The following TULP3 variants were observed in gnomAD, a reference collection of about 807,000 sequenced individuals.
The protein encoded by TULP3 is TUB like protein 3.
TULP3 carries 38 observed loss-of-function variants against 50.7 expected under a neutral mutation model. The observed-to-expected ratio is 0.75, with a 90% CI of 0.58 to 0.98. TULP3 has a LOEUF of 0.98. TULP3 is among the 50% of genes least tolerant of loss of function. The probability of loss-of-function intolerance (pLI) is 0.00; values close to 1 mark genes in which losing one functional copy is unlikely to be tolerated. For missense variants in TULP3, 550 were observed against 568.0 expected (o/e 0.97, Z 0.32); for synonymous variants, 183 against 196.6 (o/e 0.93, Z 0.58).
intron 4 of TULP3, among the ~76,000 whole-genome samples, chr12:2,926,055 C>T (rs1054210425): frequency 2.8e-4 from 42 of 152,182 alleles, no homozygotes; most frequent in African/African-American, 9.7e-4. Flanking sequence ...ATTTGCTTGT[C>T]TTAAAAGTTT....
rs761690026 is a variant in TULP3, at chr12:2,940,764, TCCC to T, written c.*1323_*1325del. The T allele has an allele frequency of 1.3e-6, 2 of 1,512,732 alleles. No individual in the cohort carries two copies. The highest frequency in any genetic ancestry group is 1.8e-6 in the Non-Finnish European group (2 of 1,123,032). The allele number at this position is 1,512,732 out of a possible 1,614,324, so 93.7% of individuals were successfully genotyped here. On this transcript the variant is annotated 3_prime_UTR_variant, in exon 11 of 11. Coordinates refer to ENST00000448120, the MANE Select transcript of TULP3 (RefSeq NM_003324.5). ...TGGCAGCTGCGGGACCCTTGGCTTG[TCCC>T]CCACCGACAAGTCCCACCTGCTGGG...
chr12:2,891,095 C>T, intron 1 of TULP3, 107 bp downstream of exon 1: 1 of 1,306,114 alleles, frequency 7.7e-7, no homozygotes, highest in Middle Eastern at 1.9e-4. Context: ...GGACTCGGGA[C>T]TTGGCGACTC....
In TULP3 at chr12:2,939,159, A is replaced by G. The variant is rs2098203225; in HGVS notation, c.1196-152A>G. On this transcript the variant is annotated intron_variant, in intron 10 of 10. Transcript: ENST00000448120. This position sits in a 1 kb window ranked among gnomAD's most constrained non-coding sequence, Gnocchi z 4.0. ...GAGGATCACTTGAGCCTGGGACGGG[A>G]GGTCAAGGCTGCAGTGAGCTGTGGT... 3 of 792,986 alleles carry G rather than the reference A, an allele frequency of 3.8e-6. No homozygotes were observed. Among genetic ancestry groups the G allele is most frequent in the Non-Finnish European group, 5.9e-6 (3 of 508,380 alleles). 49.1% of individuals were successfully genotyped at this position (792,986 alleles called of 1,614,324 possible). A position where few individuals can be genotyped will look rare whatever the true frequency, so the allele number is the denominator to read the frequency against.
intron 2 of TULP3, among the ~76,000 whole-genome samples, chr12:2,919,253 T>C (rs1008055022): frequency 6.6e-6 from 1 of 152,196 alleles, no homozygotes; most frequent in Non-Finnish European, 1.5e-5. Flanking sequence ...CCTGTGTATT[T>C]AGTGTTCCTG....
In TULP3 at chr12:2,938,203, C is replaced by T; in HGVS notation, c.1113C>T (p.Asp371=). The T allele has an allele frequency of 6.2e-7, 1 of 1,614,180 alleles. No homozygotes were observed. Among genetic ancestry groups the T allele is most frequent in the African/African-American group, 1.3e-5 (1 of 75,056 alleles). The stretch of plus-strand genomic sequence containing the variant: ...ACAAGGCCCCCGTCTGGAACAGTGA[C>T]ACTCAGTCCTATGTCCTCAACTTCC... ...LHNKAPVWNS[D]TQSYVLNFRG... The change falls in exon 10 of 11, where the codon GAC becomes GAT. Residue 371 remains aspartate, a synonymous_variant. Transcript: ENST00000448120.
intron 10 of TULP3, among the ~76,000 whole-genome samples, 193 bp downstream of exon 10, chr12:2,938,478 AGT>A (rs2098202830): frequency 2.0e-5 from 3 of 152,040 alleles, no homozygotes; most frequent in African/African-American, 4.8e-5. Flanking sequence ...AGGGGAGAGG[AGT>A]GTGAGAGAGA....
chr12:2,926,979 T>C (rs1347738018), intron 4 of TULP3, among the ~76,000 whole-genome samples: 1 of 152,100 alleles, frequency 6.6e-6, no homozygotes, highest in Non-Finnish European at 1.5e-5. Context: ...TTTTACAAAA[T>C]TTTCATCACC....
chr12:2,918,453 T>C (rs950890708), intron 2 of TULP3, among the ~76,000 whole-genome samples: 4 of 152,062 alleles, frequency 2.6e-5, no homozygotes, highest in Non-Finnish European at 5.9e-5. Context: ...TCACAGACTA[T>C]GTATGAGATG....
intron 1 of TULP3, among the ~76,000 whole-genome samples, chr12:2,902,748 T>C (rs1341045039): frequency 6.6e-6 from 1 of 152,228 alleles, no homozygotes; most frequent in Non-Finnish European, 1.5e-5. Context: ...TTTTAAAGTA[T>C]GCTCAAAGTT....
chr12:2,932,937 A>ATTTTTAT (rs1410501522), intron 6 of TULP3, among the ~76,000 whole-genome samples: 4 of 149,526 alleles, frequency 2.7e-5, no homozygotes, highest in Non-Finnish European at 6.0e-5. Context: ...GAATTATTTT[A>ATTTTTAT]TTTTTATTTT....
intron 2 of TULP3, among the ~76,000 whole-genome samples, chr12:2,920,033 TAAA>T (rs899279354): frequency 6.4e-5 from 9 of 140,774 alleles, no homozygotes; most frequent in African/African-American, 2.3e-4. Flanking sequence ...TAAGAAAACT[TAAA>T]AAAAAAAAAA....
chr12:2,897,507 A>G (rs1480159774), intron 1 of TULP3, among the ~76,000 whole-genome samples: 1 of 152,144 alleles, frequency 6.6e-6, no homozygotes, highest in African/African-American at 2.4e-5. Context: ...GTTCAGGCCT[A>G]TAATCCTAGC....
At chr12:2,935,574 T>C (rs945512417) in intron 8 of TULP3, among the ~76,000 whole-genome samples, 1 of 152,214 alleles carries the variant, frequency 6.6e-6, no homozygotes, top group Non-Finnish European at 1.5e-5. Context: ...GTCTCAACTT[T>C]CTTAAGTTGA....
intron 8 of TULP3, among the ~76,000 whole-genome samples, chr12:2,936,431 C>T (rs1015360174): frequency 6.6e-6 from 1 of 151,716 alleles, no homozygotes; most frequent in Non-Finnish European, 1.5e-5. Flanking sequence ...AGTTTGTTCA[C>T]AGTTATCTCA....
chr12:2,901,312 CTTTTTT>C (rs371069831), intron 1 of TULP3, among the ~76,000 whole-genome samples: 2 of 104,146 alleles, frequency 1.9e-5, no homozygotes, highest in Admixed American at 1.2e-4. Context: ...TTCTTTCTTT[CTTTTTT>C]TTTTTTTTTT....
chr12:2,909,235 G>A (rs572760936), intron 1 of TULP3, among the ~76,000 whole-genome samples: 3 of 152,260 alleles, frequency 2.0e-5, no homozygotes, highest in South Asian at 2.1e-4. Flanking sequence ...AGCATAATGC[G>A]TACCTAAGAC....
At chr12:2,915,247 C>G (rs1478470820) in intron 2 of TULP3, among the ~76,000 whole-genome samples, 1 of 152,202 alleles carries the variant, frequency 6.6e-6, no homozygotes, top group African/African-American at 2.4e-5. Flanking sequence ...ATCTCGGCCT[C>G]CCAAAATGCT....
At chr12:2,921,372 C>T (rs1327310576) in intron 3 of TULP3, among the ~76,000 whole-genome samples, 3 of 151,598 alleles carry the variant, frequency 2.0e-5, no homozygotes, top group East Asian at 3.9e-4. Flanking sequence ...GAACTCCTGA[C>T]CCAGGTGATC....
chr12:2,909,958 C>T (rs2098184509), intron 2 of TULP3, among the ~76,000 whole-genome samples: 1 of 152,174 alleles, frequency 6.6e-6, no homozygotes, highest in African/African-American at 2.4e-5. Context: ...TGTTCTTATG[C>T]GAAAATGCAT....
Sources: gnomAD v4.1 joint callset for allele counts (sites outside exome capture counted in the v4.1 genomes callset) on GRCh38, gnomAD v4.1.1 for gene constraint, Gnocchi (gnomAD v3.1) non-coding constraint, MANE v1.5 for transcripts, NCBI Gene and HGNC (gene_info 2026-07-23, HGNC 2026-07-21) for gene names.